Variants in UAP1 observed in about 807,000 individuals in gnomAD.
The protein encoded by UAP1 is UDP-N-acetylhexosamine pyrophosphorylase.
UAP1 carries 25 observed loss-of-function variants against 58.5 expected under a neutral mutation model. The observed-to-expected ratio is 0.43, with a 90% CI of 0.31 to 0.60. The LOEUF (loss-of-function observed/expected upper bound fraction) is 0.60. Ranked by LOEUF, UAP1 falls within the 20% of genes least tolerant of loss-of-function variation. The pLI is 0.11. For synonymous variants in UAP1, 208 were observed against 213.0 expected (o/e 0.98, Z 0.21); for missense variants, 575 against 630.0 (o/e 0.91, Z 0.93).
intron 4 of UAP1, 135 bp from the exon 5 acceptor site, chr1:162,581,152 A>G (rs1654562589): frequency 4.3e-6 from 4 of 929,974 alleles, no homozygotes; most frequent in South Asian, 1.9e-5. Context: ...TTCCTTCCTT[A>G]TGGATATTCA....
At chr1:162,568,221 G>T (rs894981607) in intron 2 of UAP1, among the ~76,000 whole-genome samples, 1 of 152,088 alleles carries the variant, frequency 6.6e-6, no homozygotes, top group African/African-American at 2.4e-5. Context: ...CTTACCCCCT[G>T]TAAAAAGAAA....
intron 2 of UAP1, among the ~76,000 whole-genome samples, chr1:162,573,403 A>G (rs985277621): frequency 1.3e-5 from 2 of 152,160 alleles, no homozygotes; most frequent in Non-Finnish European, 2.9e-5. Context: ...CTCTGAGTTC[A>G]TTATCTCTAA....
intron 9 of UAP1, 45 bp from the exon 10 acceptor site, chr1:162,597,747 A>C: frequency 6.5e-7 from 1 of 1,547,248 alleles, no homozygotes. Flanking sequence ...CTGGCAAGTA[A>C]CATGGGAAGC....
At chr1:162,569,876 A>C (rs973295240) in intron 2 of UAP1, among the ~76,000 whole-genome samples, 1 of 152,090 alleles carries the variant, frequency 6.6e-6, no homozygotes. Flanking sequence ...ACAGCCGGGC[A>C]TGGTGGCTCA....
chr1:162,589,551 T>G (rs1371106099), intron 7 of UAP1, among the ~76,000 whole-genome samples: 1 of 151,972 alleles, frequency 6.6e-6, no homozygotes, highest in Non-Finnish European at 1.5e-5. Context: ...GATATCTTCT[T>G]ACTGCCCTGT....
intron 2 of UAP1, among the ~76,000 whole-genome samples, chr1:162,569,314 G>GT (rs1157580420): frequency 6.6e-6 from 1 of 152,216 alleles, no homozygotes. Flanking sequence ...TAATTGCAAA[G>GT]TATCTGGTGG....
intron 9 of UAP1, chr1:162,593,363 T>C (rs1487000797): frequency 3.9e-5 from 6 of 152,378 alleles, no homozygotes; most frequent in Non-Finnish European, 7.3e-5. Context: ...GTAACACATA[T>C]CCTCTCCCAT....
At chr1:162,589,241 T>G (rs1432094918) in intron 7 of UAP1, among the ~76,000 whole-genome samples, 50 of 125,648 alleles carry the variant, frequency 4.0e-4, no homozygotes, top group Admixed American at 2.6e-3. Flanking sequence ...ATATATAAAT[T>G]TATAGTTATA....
At chr1:162,571,347 C>G (rs1315463924) in intron 2 of UAP1, among the ~76,000 whole-genome samples, 1 of 152,010 alleles carries the variant, frequency 6.6e-6, no homozygotes, top group Admixed American at 6.6e-5. Flanking sequence ...CCCGGCTGGT[C>G]TTGAACTCCT....
At chr1:162,599,451 T>G (rs574072491) in exon 11 of UAP1, 2 of 834,682 alleles carry the variant, frequency 2.4e-6, no homozygotes, top group Non-Finnish European at 3.8e-6. Flanking sequence ...CTTGGACAAC[T>G]GAAGTTTAAA....
At position 162,594,324 on chromosome 1, in the gene UAP1, A is replaced by G. The variant is rs77602001; in HGVS notation, c.1409+1542A>G. Among the ~76,000 whole-genome samples the G allele has an allele frequency of 2.0e-3, 305 of 152,294 alleles. 6 individuals carry two copies. In the East Asian group the frequency reaches 0.049, roughly 25 times the overall value. On this transcript the variant is annotated intron_variant, in intron 9 of 10. Coordinates refer to ENST00000271469, the Ensembl canonical transcript of UAP1. The stretch of plus-strand genomic sequence containing the variant: ...ATGGGCAGTTCACGATAGTGTTCAC[A>G]TTCTTAAGAGAATCTGTTGCGGCCA...
Position 162,592,790 on chromosome 1 carries a change from TAC to T in UAP1, c.1409+9_1409+10del. On this transcript the variant is annotated intron_variant, in intron 9 of 10. Coordinates refer to ENST00000271469, the Ensembl canonical transcript of UAP1. ...AGCTGATGTCAATCACAAGTAAATA[TAC>T]CAGCCTGCCTACAGTGCATGGTGAT... 1 of 1,549,000 alleles carries T rather than the reference TAC, an allele frequency of 6.5e-7. No individual in the cohort carries two copies.
At chr1:162,597,021 A>C (rs190382504) in intron 9 of UAP1, among the ~76,000 whole-genome samples, 15 of 152,364 alleles carry the variant, frequency 9.8e-5, no homozygotes, top group African/African-American at 3.1e-4. Flanking sequence ...ATTCTGCCTT[A>C]GCTCTTTAAA....
At chr1:162,590,452 C>T (rs1660674782) in exon 8 of UAP1, 1 of 1,612,056 alleles carries the variant, frequency 6.2e-7, no homozygotes, top group Non-Finnish European at 8.5e-7. Context: ...ATTGCTGGGT[C>T]CTCAATGCAG....
downstream of UAP1, among the ~76,000 whole-genome samples, chr1:162,600,591 A>C (rs1655864276): frequency 6.6e-6 from 1 of 152,104 alleles, no homozygotes; most frequent in South Asian, 2.1e-4. Context: ...TTCCGCTAAC[A>C]AGTTGTCACA....
chr1:162,590,476 A>G (rs1220424285), exon 8 of UAP1: 1 of 1,605,790 alleles, frequency 6.2e-7, no homozygotes, highest in Non-Finnish European at 8.5e-7. Context: ...GCCATTTCAT[A>G]GATGAAAATG....
chr1:162,581,513 A>G (rs1654585467), intron 5 of UAP1, 54 bp downstream of exon 5: 2 of 1,529,198 alleles, frequency 1.3e-6, no homozygotes, highest in Non-Finnish European at 1.8e-6. Flanking sequence ...TCTGTCATAT[A>G]CGCATTCCAG....
At chr1:162,589,458 C>G (rs1655169553) in intron 7 of UAP1, among the ~76,000 whole-genome samples, 1 of 150,186 alleles carries the variant, frequency 6.7e-6, no homozygotes, top group Non-Finnish European at 1.5e-5. Flanking sequence ...CCGCCTTGGT[C>G]TCCTGTAAAG....
At chr1:162,566,555 C>G (rs1653520762) in intron 2 of UAP1, among the ~76,000 whole-genome samples, 1 of 151,932 alleles carries the variant, frequency 6.6e-6, no homozygotes, top group African/African-American at 2.4e-5. Context: ...GTCTCTTTCC[C>G]TCCTCAATTT....
Sources: allele counts gnomAD v4.1 joint callset (sites outside exome capture counted in the v4.1 genomes callset), GRCh38; gene constraint gnomAD v4.1.1; transcripts MANE v1.5; gene names NCBI Gene and HGNC (gene_info 2026-07-23, HGNC 2026-07-21).